The following MALRD1 variants were observed in gnomAD, a reference collection of about 807,000 sequenced individuals.
MALRD1 encodes MAM and LDL receptor class A domain containing 1.
In MALRD1, 247 loss-of-function variants were observed where a neutral mutation model predicts 242.1. The ratio of observed to expected loss-of-function variants is 1.02; its 90% confidence interval spans 0.92 to 1.13. The LOEUF is 1.13. Among genes scored for constraint, MALRD1 ranks in the 50% most tolerant of loss-of-function variants. The probability of loss-of-function intolerance (pLI) is 0.00; values close to 1 mark genes in which losing one functional copy is unlikely to be tolerated. For synonymous variants in MALRD1, 995 were observed against 866.6 expected (o/e 1.15, Z -2.60); for missense variants, 2,989 against 2,533.1 (o/e 1.18, Z -3.86).
chr10:19,244,640 A>G (rs1838959341), intron 18 of MALRD1, among the ~76,000 whole-genome samples: 1 of 152,170 alleles, frequency 6.6e-6, no homozygotes, highest in Admixed American at 6.6e-5. Context: ...TCCAAGGCTA[A>G]TGACTTTTAA....
At chr10:19,391,044 C>T (rs1846315274) in intron 28 of MALRD1, among the ~76,000 whole-genome samples, 1 of 152,036 alleles carries the variant, frequency 6.6e-6, no homozygotes, top group Admixed American at 6.6e-5. Flanking sequence ...TGATTATTTG[C>T]TTCAGTCGTA....
Position 19,124,578 on chromosome 10 carries a change from C to G in MALRD1, c.851C>G (p.Ser284Cys), listed in dbSNP as rs1837185597. The change falls in exon 7 of 40, where the codon TCT becomes TGT. Residue 284 changes from serine to cysteine, a missense_variant. By Grantham distance (112) the Ser-to-Cys change is moderately radical. Transcript: ENST00000454679. The part of the protein sequence containing the change: ...FDMCEWTSEA[S>C]AGQISWMRTK... ...ATGTGTGAGTGGACGTCAGAAGCAT[C>G]TGCTGGCCAAATTTCCTGGATGCGC... 1 of 1,233,732 alleles carries G rather than the reference C, an allele frequency of 8.1e-7. No homozygotes were observed. Among genetic ancestry groups the G allele is most frequent in the Non-Finnish European group, 1.0e-6 (1 of 988,120 alleles). 76.4% of individuals were successfully genotyped at this position (1,233,732 alleles called of 1,614,324 possible).
chr10:19,429,487 C>T (rs1834035104), intron 28 of MALRD1, among the ~76,000 whole-genome samples: 1 of 152,082 alleles, frequency 6.6e-6, no homozygotes, highest in Non-Finnish European at 1.5e-5. Flanking sequence ...TCACGTGAAC[C>T]CGGGAGGTGG....
At chr10:19,553,025 T>G (rs1835556864) in intron 32 of MALRD1, among the ~76,000 whole-genome samples, 1 of 152,136 alleles carries the variant, frequency 6.6e-6, no homozygotes, top group South Asian at 2.1e-4. Context: ...ATCCTAATTA[T>G]GACTTGTAGA....
chr10:19,721,171 G>T (rs1310612826), intron 38 of MALRD1, among the ~76,000 whole-genome samples: 1 of 151,946 alleles, frequency 6.6e-6, no homozygotes, highest in Non-Finnish European at 1.5e-5. Flanking sequence ...ATTAAAAATT[G>T]GTATAATTAA....
chr10:19,415,388 C>G (rs1833476427), intron 28 of MALRD1, among the ~76,000 whole-genome samples: 1 of 152,026 alleles, frequency 6.6e-6, no homozygotes, highest in Non-Finnish European at 1.5e-5. Flanking sequence ...AATTATTAGA[C>G]AAAATCAATA....
chr10:19,534,438 T>C (rs1834561102), intron 32 of MALRD1, among the ~76,000 whole-genome samples: 1 of 152,186 alleles, frequency 6.6e-6, no homozygotes, highest in Non-Finnish European at 1.5e-5. Flanking sequence ...TTGTGCTTTT[T>C]TACAATCTCT....
intron 29 of MALRD1, among the ~76,000 whole-genome samples, chr10:19,462,958 C>G (rs1836020298): frequency 6.6e-6 from 1 of 151,986 alleles, no homozygotes; most frequent in Admixed American, 6.6e-5. Flanking sequence ...AAATTGTTTT[C>G]TTGAAGCTTT....
At chr10:19,149,336 C>G (rs924693922) in intron 11 of MALRD1, among the ~76,000 whole-genome samples, 4 of 152,008 alleles carry the variant, frequency 2.6e-5, no homozygotes, top group Non-Finnish European at 5.9e-5. Context: ...GTTGACCAGG[C>G]TGGATATGTT....
chr10:19,055,180 T>C (rs1373508870), intron 1 of MALRD1, among the ~76,000 whole-genome samples: 1 of 152,194 alleles, frequency 6.6e-6, no homozygotes, highest in East Asian at 1.9e-4. Flanking sequence ...AATGTACCTA[T>C]TGAACATTTG....
chr10:19,191,881 C>T (rs1039298267), intron 14 of MALRD1, among the ~76,000 whole-genome samples: 1 of 151,986 alleles, frequency 6.6e-6, no homozygotes, highest in Middle Eastern at 3.2e-3. Flanking sequence ...ATCTGTAATC[C>T]CAGCTACTCA....
At chr10:19,409,504 A>T (rs1004267310) in intron 28 of MALRD1, among the ~76,000 whole-genome samples, 1 of 152,170 alleles carries the variant, frequency 6.6e-6, no homozygotes, top group Non-Finnish European at 1.5e-5. Flanking sequence ...GATTGCAAAA[A>T]GTTAAGGAGG....
intron 31 of MALRD1, among the ~76,000 whole-genome samples, chr10:19,513,612 G>A (rs889760239): frequency 1.3e-5 from 2 of 151,944 alleles, no homozygotes; most frequent in African/African-American, 4.8e-5. Flanking sequence ...GGTAGCGGGT[G>A]CCTGTAGCCC....
chr10:19,101,249 C>CAT (rs34397417), intron 4 of MALRD1, among the ~76,000 whole-genome samples: 85,262 of 144,294 alleles, frequency 0.59, 26,074 homozygotes, highest in African/African-American at 0.76. Flanking sequence ...ATTTGAAATA[C>CAT]ATATATATAT....
chr10:19,353,842 G>A (rs1844503282), intron 26 of MALRD1, among the ~76,000 whole-genome samples: 1 of 152,052 alleles, frequency 6.6e-6, no homozygotes, highest in African/African-American at 2.4e-5. Context: ...CATCCAGTTG[G>A]TGGGGGAGCA....
chr10:19,209,727 G>A (rs760037735), intron 18 of MALRD1, 47 bp downstream of exon 18: 12 of 1,450,692 alleles, frequency 8.3e-6, no homozygotes, highest in Non-Finnish European at 1.1e-5. Flanking sequence ...GCATCTGAAT[G>A]TCTAAGGAAT....
intron 2 of MALRD1, among the ~76,000 whole-genome samples, chr10:19,077,317 G>C (rs1236295821): frequency 6.6e-6 from 1 of 151,800 alleles, no homozygotes; most frequent in African/African-American, 2.4e-5. Flanking sequence ...CATAAAGCCT[G>C]GTAATCTGTC....
At chr10:19,704,882 C>T (rs1303626428) in intron 38 of MALRD1, among the ~76,000 whole-genome samples, 2 of 152,096 alleles carry the variant, frequency 1.3e-5, no homozygotes, top group Non-Finnish European at 2.9e-5. Context: ...AGTGGGTGCT[C>T]ATGCCTGTAA....
At chr10:19,679,368 C>G (rs1398808462) in intron 36 of MALRD1, among the ~76,000 whole-genome samples, 1 of 152,144 alleles carries the variant, frequency 6.6e-6, no homozygotes. Context: ...GATTCAACTT[C>G]TTTCTGGTTC....
Sources: allele counts gnomAD v4.1 joint callset (sites outside exome capture counted in the v4.1 genomes callset), GRCh38; gene constraint gnomAD v4.1.1; transcripts MANE v1.5; gene names NCBI Gene and HGNC (gene_info 2026-07-23, HGNC 2026-07-21).